The following CBX1 variants were observed in gnomAD, a reference collection of about 807,000 sequenced individuals.
The protein encoded by CBX1 is chromobox protein homolog 1.
CBX1 carries 10 observed loss-of-function variants against 25.1 expected under a neutral mutation model. That is an observed-to-expected ratio of 0.40 (90% CI 0.25 to 0.68). The LOEUF (loss-of-function observed/expected upper bound fraction) is 0.68, where lower values mean the gene tolerates loss of function less well. Among genes scored for constraint, CBX1 ranks in the 30% least tolerant of loss-of-function variants. The pLI, the probability that CBX1 is intolerant of heterozygous loss-of-function variation, is 0.40. For missense variants in CBX1, 106 were observed against 218.5 expected (o/e 0.49, Z 3.25); for synonymous variants, 63 against 79.4 (o/e 0.79, Z 1.10).
At chr17:48,073,824 CAAAAAAAA>C (rs60857566) in intron 4 of CBX1, among the ~76,000 whole-genome samples, 4 of 82,500 alleles carry the variant, frequency 4.8e-5, no homozygotes, top group Non-Finnish European at 6.7e-5. Flanking sequence ...GAGACTGTCT[CAAAAAAAA>C]AAAAAAAAAA....
Position 48,084,633 on chromosome 17 carries a change from G to A in CBX1, c.-37-7592C>T, listed in dbSNP as rs186612467. Among the ~76,000 whole-genome samples, 750 of 149,640 alleles carry A rather than the reference G, an allele frequency of 5.0e-3. 60 individuals are homozygous for A. The highest frequency in any genetic ancestry group is 0.016 in the African/African-American group (644 of 39,376). ...TTTATTATTTACAATACTCCCGGCCGGGCATGGTGGCTCACGCCTGTAATC... is the reference window on the plus strand; with the variant it reads ...TTTATTATTTACAATACTCCCGGCCAGGCATGGTGGCTCACGCCTGTAATC... On this transcript the variant is annotated intron_variant, in intron 1 of 4. Transcript: ENST00000225603.
chr17:48,100,650 A>C, intron 1 of CBX1: 1 of 865,088 alleles, frequency 1.2e-6, no homozygotes, highest in Non-Finnish European at 1.4e-6. Context: ...ACTTATCCTA[A>C]CAGCTCCTCC....
intron 2 of CBX1, 61 bp downstream of exon 2, chr17:48,076,804 A>G (rs755068627): frequency 4.7e-5 from 71 of 1,498,180 alleles, no homozygotes; most frequent in Non-Finnish European, 6.4e-5. Context: ...GAGGTCTCAT[A>G]CATCTCTAGA....
At chr17:48,100,970 T>C (rs2063406320) in intron 1 of CBX1, 3 of 986,066 alleles carry the variant, frequency 3.0e-6, no homozygotes, top group Non-Finnish European at 3.6e-6. Flanking sequence ...CAAGCAACAT[T>C]GTTCCAGACC....
chr17:48,074,412 C>T (rs895366366), intron 4 of CBX1, among the ~76,000 whole-genome samples: 1 of 152,174 alleles, frequency 6.6e-6, no homozygotes, highest in Non-Finnish European at 1.5e-5. Context: ...GTTGGGATAA[C>T]TATCTTCATT....
At chr17:48,094,989 G>C (rs1335614404) in intron 1 of CBX1, among the ~76,000 whole-genome samples, 1 of 151,628 alleles carries the variant, frequency 6.6e-6, no homozygotes, top group Non-Finnish European at 1.5e-5. Flanking sequence ...AGAGGTTGCA[G>C]TGAGCCAAGA....
intron 1 of CBX1, among the ~76,000 whole-genome samples, chr17:48,087,930 A>G (rs1190958685): frequency 6.6e-6 from 1 of 151,458 alleles, no homozygotes; most frequent in Non-Finnish European, 1.5e-5. Context: ...CCTAGACCCC[A>G]CTCCACAGCG....
At chr17:48,098,841 G>A (rs1264194737) in intron 1 of CBX1, among the ~76,000 whole-genome samples, 1 of 152,058 alleles carries the variant, frequency 6.6e-6, no homozygotes, top group Admixed American at 6.6e-5. Flanking sequence ...TTTTAAAAAA[G>A]GGAGGTTTTG....
chr17:48,084,003 T>C (rs1339939240), intron 1 of CBX1, among the ~76,000 whole-genome samples: 1 of 150,032 alleles, frequency 6.7e-6, no homozygotes, highest in African/African-American at 2.5e-5. Flanking sequence ...TTAAAAAATT[T>C]TGTTTAGACA....
In CBX1 at chr17:48,080,957, T is replaced by A. The variant is rs1276580840; in HGVS notation, c.-37-3916A>T. 4.5e-3 allele frequency among the ~76,000 whole-genome samples: 88 copies of A among 19,686 alleles called. 1 individual carries two copies. Among genetic ancestry groups the A allele is most frequent in the East Asian group, 8.1e-3 (3 of 372 alleles). The allele number at this position is 19,686 out of a possible 152,430, so 12.9% of individuals were successfully genotyped here. On this transcript the variant is annotated intron_variant, in intron 1 of 4. Coordinates refer to ENST00000225603, the MANE Select transcript of CBX1 (RefSeq NM_001127228.2). ...AAAAAAAAAAAAAAAAAAAAATATA[T>A]ATATATATATATATATATATATATA...
chr17:48,083,642 G>A (rs1388396525), intron 1 of CBX1, among the ~76,000 whole-genome samples: 3 of 150,240 alleles, frequency 2.0e-5, no homozygotes, highest in Admixed American at 1.3e-4. Flanking sequence ...GACCAACATG[G>A]TGATACCCTG....
At chr17:48,099,905 C>A (rs1043459423) in intron 1 of CBX1, among the ~76,000 whole-genome samples, 2 of 152,096 alleles carry the variant, frequency 1.3e-5, no homozygotes, top group African/African-American at 4.8e-5. Context: ...CTTTGGGAGG[C>A]CGACGCGGGA....
chr17:48,077,489 T>A (rs1457785157), intron 1 of CBX1, among the ~76,000 whole-genome samples: 1 of 148,788 alleles, frequency 6.7e-6, no homozygotes. Context: ...GATTTCACTA[T>A]GTGTTGGCCA....
intron 1 of CBX1, among the ~76,000 whole-genome samples, chr17:48,086,750 G>T (rs1322045433): frequency 6.6e-6 from 1 of 151,658 alleles, no homozygotes; most frequent in Non-Finnish European, 1.5e-5. Context: ...ACAGCTACTT[G>T]GGAGCCTGAG....
intron 1 of CBX1, among the ~76,000 whole-genome samples, chr17:48,089,102 CT>C (rs71366828): frequency 0.18 from 24,629 of 136,858 alleles, 2,837 homozygotes; most frequent in African/African-American, 0.37. Context: ...GCATCTGCAT[CT>C]TTTTTTTTTT....
At chr17:48,096,708 G>T (rs8065993) in intron 1 of CBX1, among the ~76,000 whole-genome samples, 109,809 of 151,908 alleles carry the variant, frequency 0.72, 40,493 homozygotes, top group Admixed American at 0.81. Context: ...CCGGGAGGTG[G>T]AAGCTGCAGT....
intron 1 of CBX1, among the ~76,000 whole-genome samples, chr17:48,086,658 C>T (rs1264567034): frequency 6.6e-6 from 1 of 151,712 alleles, no homozygotes; most frequent in East Asian, 2.0e-4. Context: ...GAGTTTGAGA[C>T]CAGCCTGGCC....
intron 4 of CBX1, among the ~76,000 whole-genome samples, chr17:48,073,140 C>T (rs1307252629): frequency 6.6e-6 from 1 of 151,216 alleles, no homozygotes; most frequent in Non-Finnish European, 1.5e-5. Flanking sequence ...AAAAAACAAA[C>T]TCTTATCTTC....
intron 1 of CBX1, chr17:48,100,997 G>GCGGCCCCCAAGTGCTCGGC (rs2063406576): frequency 1.0e-6 from 1 of 985,872 alleles, no homozygotes. Flanking sequence ...GCCCCGAAGA[G>GCGGCCCCCAAGTGCTCGGC]CGGCCCCCAA....
Sources: gnomAD v4.1 joint callset for allele counts (sites outside exome capture counted in the v4.1 genomes callset) on GRCh38, gnomAD v4.1.1 for gene constraint, MANE v1.5 for transcripts, NCBI Gene and HGNC (gene_info 2026-07-23, HGNC 2026-07-21) for gene names.